Variants in MAGI1 observed in about 807,000 individuals in gnomAD.
MAGI1 encodes the protein membrane-associated guanylate kinase, WW and PDZ domain-containing protein 1.
Under a neutral mutation model 139.9 loss-of-function variants are expected in MAGI1, and 58 were observed. The ratio of observed to expected loss-of-function variants is 0.41; its 90% CI spans 0.34 to 0.52. MAGI1 has a LOEUF of 0.52. MAGI1 is among the 20% of genes least tolerant of loss of function. The pLI is 0.12. For synonymous variants in MAGI1, 812 were observed against 737.9 expected (o/e 1.10, Z -1.63); for missense variants, 1,874 against 1,901.6 (o/e 0.99, Z 0.27).
At chr3:65,809,412 T>A (rs78287741) in intron 1 of MAGI1, among the ~76,000 whole-genome samples, 1 of 152,320 alleles carries the variant, frequency 6.6e-6, no homozygotes, top group African/African-American at 2.4e-5. Flanking sequence ...TTCTCCAACG[T>A]CATCCATTTC....
At chr3:65,431,690 T>C (rs1219141138) in intron 10 of MAGI1, among the ~76,000 whole-genome samples, 1 of 151,990 alleles carries the variant, frequency 6.6e-6, no homozygotes, top group South Asian at 2.1e-4. Flanking sequence ...GCTGTCTTAT[T>C]TAAAATAAAT....
At chr3:65,739,469 G>A (rs1438881754) in intron 1 of MAGI1, among the ~76,000 whole-genome samples, 2 of 152,100 alleles carry the variant, frequency 1.3e-5, no homozygotes, top group South Asian at 2.1e-4. Flanking sequence ...TTAATTTGCC[G>A]CCAGAACTCT....
Position 65,931,775 on chromosome 3 carries a change from T to C in MAGI1, c.313+106221A>G, listed in dbSNP as rs567688581. On this transcript the variant is annotated intron_variant, in intron 1 of 22. Transcript: ENST00000402939. The stretch of plus-strand genomic sequence containing the variant: ...CTCTGTGGCATATGAAAACCTGCCA[T>C]TACATGTGGATTTGAACCCAATTGT... 1.2e-4 allele frequency among the ~76,000 whole-genome samples: 19 copies of C among 152,258 alleles called. No individual in the cohort carries two copies. In the East Asian group the frequency reaches 2.5e-3, roughly 20 times the overall value.
chr3:65,767,175 T>C (rs1010154744), intron 1 of MAGI1, among the ~76,000 whole-genome samples: 2 of 152,184 alleles, frequency 1.3e-5, no homozygotes, highest in Admixed American at 6.5e-5. Context: ...TTATCAATAA[T>C]CACCTATTCA....
intron 5 of MAGI1, among the ~76,000 whole-genome samples, chr3:65,460,381 C>T (rs887674421): frequency 1.3e-5 from 2 of 151,944 alleles, no homozygotes; most frequent in African/African-American, 4.8e-5. Context: ...AGTGTTCTTC[C>T]TCTTTTATTT....
chr3:65,846,976 C>CAAAAAAAAAAAAAAAAAAAAA (rs58391331), intron 1 of MAGI1, among the ~76,000 whole-genome samples: 15 of 80,976 alleles, frequency 1.9e-4, no homozygotes, highest in African/African-American at 6.4e-4. Flanking sequence ...CAATGTCTTA[C>CAAAAAAAAAAAAAAAAAAAAA]AAAAAAAAAA....
chr3:65,776,029 A>G (rs1272336769), intron 1 of MAGI1, among the ~76,000 whole-genome samples: 1 of 152,098 alleles, frequency 6.6e-6, no homozygotes, highest in African/African-American at 2.4e-5. Flanking sequence ...TTTTTGCCAT[A>G]AATCCCGTAC....
chr3:65,760,312 A>T (rs1353497763), intron 1 of MAGI1, among the ~76,000 whole-genome samples: 2 of 151,812 alleles, frequency 1.3e-5, no homozygotes, highest in African/African-American at 4.8e-5. Context: ...TTCTCTTTTT[A>T]AAAGGAAGAA....
chr3:65,495,479 T>C (rs550932841), intron 2 of MAGI1, among the ~76,000 whole-genome samples: 1 of 152,322 alleles, frequency 6.6e-6, no homozygotes, highest in East Asian at 1.9e-4. Context: ...CATGGCATTA[T>C]ATATTGTATT....
intron 2 of MAGI1, among the ~76,000 whole-genome samples, chr3:65,618,626 C>A (rs1389495861): frequency 1.3e-5 from 2 of 151,998 alleles, no homozygotes; most frequent in African/African-American, 4.8e-5. Flanking sequence ...CAGGCTATTA[C>A]TAATAACACC....
At chr3:65,716,855 T>C (rs1351961013) in intron 1 of MAGI1, among the ~76,000 whole-genome samples, 1 of 152,192 alleles carries the variant, frequency 6.6e-6, no homozygotes, top group Non-Finnish European at 1.5e-5. Flanking sequence ...TATGTCACAG[T>C]TTATCACAAA....
chr3:65,487,016 T>C (rs1951680403), intron 3 of MAGI1, among the ~76,000 whole-genome samples: 2 of 152,184 alleles, frequency 1.3e-5, no homozygotes, highest in South Asian at 4.1e-4. Flanking sequence ...CACATAAATA[T>C]CTCCAGATTC....
intron 5 of MAGI1, among the ~76,000 whole-genome samples, chr3:65,464,713 C>T (rs1039247474): frequency 2.0e-5 from 3 of 152,036 alleles, no homozygotes; most frequent in Non-Finnish European, 4.4e-5. Context: ...TTTTAATTCA[C>T]TTTGCCATTC....
At chr3:65,506,107 C>T (rs1298125905) in intron 2 of MAGI1, among the ~76,000 whole-genome samples, 2 of 152,108 alleles carry the variant, frequency 1.3e-5, no homozygotes, top group African/African-American at 2.4e-5. Context: ...TCCAGAGAAA[C>T]TGTTAAAAAA....
At chr3:65,653,964 T>C (rs2085727140) in intron 1 of MAGI1, among the ~76,000 whole-genome samples, 1 of 152,148 alleles carries the variant, frequency 6.6e-6, no homozygotes, top group Admixed American at 6.6e-5. Flanking sequence ...CAGTGAAATA[T>C]GCAAGGCAAA....
At chr3:65,553,282 T>C (rs998926147) in intron 2 of MAGI1, among the ~76,000 whole-genome samples, 1 of 152,132 alleles carries the variant, frequency 6.6e-6, no homozygotes, top group Non-Finnish European at 1.5e-5. Context: ...TCAAACTCAC[T>C]TGGCCACCCA....
In MAGI1 at chr3:65,401,804, G is replaced by C. The variant is rs549525702; in HGVS notation, c.2168-334C>G. The C allele has an allele frequency of 3.3e-4, 431 of 1,324,818 alleles. 1 individual carries two copies. In the Middle Eastern group the frequency reaches 5.5e-3, roughly 17 times the overall value. The allele number at this position is 1,324,818 out of a possible 1,614,324, so 82.1% of individuals were successfully genotyped here. A position where few individuals can be genotyped will look rare whatever the true frequency, so the allele number is the denominator to read the frequency against. ...TCAAATGCTCTTCTGGATTAAGAGAGACTTAACTTACAATTAAGTCCAGGT... is the reference window on the plus strand; with the variant it reads ...TCAAATGCTCTTCTGGATTAAGAGACACTTAACTTACAATTAAGTCCAGGT... On this transcript the variant is annotated intron_variant, in intron 12 of 22. Transcript: ENST00000402939.
At chr3:65,412,302 C>T (rs1454834374) in intron 12 of MAGI1, among the ~76,000 whole-genome samples, 1 of 152,186 alleles carries the variant, frequency 6.6e-6, no homozygotes, top group Admixed American at 6.5e-5. Context: ...GCCTTTCACT[C>T]AGGACCCTCC....
intron 1 of MAGI1, among the ~76,000 whole-genome samples, chr3:65,653,220 GTTC>G (rs1372500031): frequency 1.3e-5 from 2 of 152,054 alleles, no homozygotes; most frequent in Non-Finnish European, 2.9e-5. Context: ...CAACTGCCCA[GTTC>G]TTCTAATTCC....
Sources: allele counts gnomAD v4.1 joint callset (sites outside exome capture counted in the v4.1 genomes callset), GRCh38; gene constraint gnomAD v4.1.1; transcripts MANE v1.5; gene names NCBI Gene and HGNC (gene_info 2026-07-23, HGNC 2026-07-21).